CARF: variants seen among roughly 807,000 people sequenced by gnomAD.
CARF encodes the protein calcium responsive transcription factor.
CARF carries 57 observed loss-of-function variants against 82.0 expected under a neutral mutation model. The observed-to-expected ratio is 0.70, with a 90% CI of 0.56 to 0.87. The LOEUF (loss-of-function observed/expected upper bound fraction) is 0.87. CARF is among the 40% of genes least tolerant of loss of function. The pLI, the probability that CARF is intolerant of heterozygous loss-of-function variation, is 0.00. For synonymous variants in CARF, 268 were observed against 290.1 expected (o/e 0.92, Z 0.77); for missense variants, 771 against 855.8 (o/e 0.90, Z 1.24).
intron 8 of CARF, among the ~76,000 whole-genome samples, chr2:202,957,251 T>A (rs1409978988): frequency 1.3e-5 from 2 of 152,208 alleles, no homozygotes; most frequent in African/African-American, 4.8e-5. Flanking sequence ...TTTCTAAGGC[T>A]ACTTGTATTT....
intron 1 of CARF, among the ~76,000 whole-genome samples, chr2:202,917,596 C>A (rs1031973652): frequency 1.3e-5 from 2 of 152,100 alleles, no homozygotes; most frequent in Non-Finnish European, 2.9e-5. Flanking sequence ...TGCTAGAGAT[C>A]TTTGTTTTAG....
Position 202,961,153 on chromosome 2 carries a change from T to C in CARF, c.643-84T>C, listed in dbSNP as rs1044032329. ...TTCTCTTGTGAAAGGTGATGAGTCT[T>C]CCATTTTGGACAACCATCTCATTAC... On this transcript the variant is annotated intron_variant, in intron 8 of 16. Coordinates refer to ENST00000438828, the MANE Select transcript of CARF (RefSeq NM_024744.17). The C allele has an allele frequency of 3.6e-6, 4 of 1,104,806 alleles. No homozygotes were observed. In the Admixed American group the frequency reaches 9.5e-5, roughly 26 times the overall value. The allele number at this position is 1,104,806 out of a possible 1,614,324, so 68.4% of individuals were successfully genotyped here.
Position 202,942,772 on chromosome 2 carries a change from C to T in CARF, c.111C>T (p.Ser37=), listed in dbSNP as rs1184438291. 6.2e-7 allele frequency: 1 copy of T among 1,613,808 alleles called. No individual in the cohort carries two copies. Among genetic ancestry groups the T allele is most frequent in the South Asian group, 1.1e-5 (1 of 91,056 alleles). Residue 37 remains serine, a synonymous_variant, in exon 5 of 17, where the codon TCC becomes TCT. Coordinates refer to ENST00000438828, the MANE Select transcript of CARF (RefSeq NM_024744.17). ...HLICMDSRDS[S]FGQNDSPTVL... The stretch of plus-strand genomic sequence containing the variant: ...TCTGTATGGACTCCAGGGATTCTTC[C>T]TTTGGACAAAATGATTCTCCTACAG...
At chr2:202,941,702 A>G (rs2058237534) in intron 3 of CARF, among the ~76,000 whole-genome samples, 158 bp from the exon 4 acceptor site, 1 of 150,932 alleles carries the variant, frequency 6.6e-6, no homozygotes, top group South Asian at 2.1e-4. Context: ...TTGGCAAGTC[A>G]TTTTAAAAAG....
At chr2:202,929,448 C>T (rs1236121574) in intron 3 of CARF, among the ~76,000 whole-genome samples, 3 of 152,204 alleles carry the variant, frequency 2.0e-5, no homozygotes, top group African/African-American at 7.2e-5. Context: ...ACTGTCCCTT[C>T]CCCAGTGAAT....
At chr2:202,949,520 TTATTATTATTATTATTATTA>T (rs2058661660) in intron 5 of CARF, among the ~76,000 whole-genome samples, 1 of 89,948 alleles carries the variant, frequency 1.1e-5, no homozygotes, top group Non-Finnish European at 2.4e-5. Flanking sequence ...TATTTATTTA[TTATTATTATTATTATTATTA>T]TTATTATTAT....
At chr2:202,938,990 A>G (rs916166991) in intron 3 of CARF, among the ~76,000 whole-genome samples, 2 of 152,118 alleles carry the variant, frequency 1.3e-5, no homozygotes, top group Non-Finnish European at 2.9e-5. Context: ...AGTCTGTCTT[A>G]TCTCTCTTTC....
chr2:202,935,256 ATATT>A lies in CARF; in HGVS notation c.-43-6600_-43-6597del, dbSNP rs1244277707. 3.5e-5 allele frequency among the ~76,000 whole-genome samples: 5 copies of A among 144,610 alleles called. No homozygotes were observed. The East Asian group carries it at 7.8e-4, about 23-fold the overall frequency. 94.9% of individuals were successfully genotyped at this position (144,610 alleles called of 152,430 possible). On this transcript the variant is annotated intron_variant, in intron 3 of 16. Transcript: ENST00000438828. The stretch of plus-strand genomic sequence containing the variant: ...TATATATTATATATTTGTATATTAT[ATATT>A]TATATATTAGAATAGTAGAATATTC...
chr2:202,945,616 T>G, intron 5 of CARF, among the ~76,000 whole-genome samples: 1 of 152,190 alleles, frequency 6.6e-6, no homozygotes, highest in East Asian at 1.9e-4. Flanking sequence ...TCCAGCTCCA[T>G]CTGCGTTCCC....
intron 3 of CARF, chr2:202,924,949 C>G: frequency 3.3e-6 from 1 of 307,374 alleles, no homozygotes; most frequent in South Asian, 3.3e-5. Flanking sequence ...CAAGTTTGCC[C>G]CCTTCACTGA....
intron 3 of CARF, among the ~76,000 whole-genome samples, chr2:202,933,131 G>C (rs1297057451): frequency 1.3e-5 from 2 of 152,140 alleles, no homozygotes; most frequent in South Asian, 2.1e-4. Flanking sequence ...CTGGCCTGAG[G>C]GGGTGATAGG....
intron 12 of CARF, among the ~76,000 whole-genome samples, chr2:202,972,997 G>A (rs2059865745): frequency 6.6e-6 from 1 of 152,070 alleles, no homozygotes; most frequent in Non-Finnish European, 1.5e-5. Flanking sequence ...GGCTGGTCTT[G>A]AAGTCCTGGC....
At chr2:202,968,292 C>T (rs1462157909) in intron 10 of CARF, among the ~76,000 whole-genome samples, 2 of 152,124 alleles carry the variant, frequency 1.3e-5, no homozygotes, top group Non-Finnish European at 2.9e-5. Flanking sequence ...ATCCCAGCTA[C>T]TCGGGAGGCT....
At chr2:202,915,328 C>G (rs760295880) in intron 1 of CARF, among the ~76,000 whole-genome samples, 5 of 151,490 alleles carry the variant, frequency 3.3e-5, no homozygotes, top group Admixed American at 6.6e-5. Context: ...TGGAGTCTTG[C>G]TCTGTTGCCC....
intron 10 of CARF, among the ~76,000 whole-genome samples, chr2:202,969,158 T>C (rs1329081166): frequency 6.6e-6 from 1 of 152,028 alleles, no homozygotes; most frequent in Non-Finnish European, 1.5e-5. Context: ...CCAGGCATAG[T>C]GACACATGCC....
chr2:202,952,382 G>A (rs1441288142), intron 5 of CARF, among the ~76,000 whole-genome samples, 177 bp from the exon 6 acceptor site: 1 of 152,138 alleles, frequency 6.6e-6, no homozygotes, highest in Non-Finnish European at 1.5e-5. Flanking sequence ...CCACTTATAA[G>A]TTGTGAGACC....
chr2:202,987,001 T>C lies in CARF; in HGVS notation c.*3377T>C, dbSNP rs1436092258. 3 of 150,112 alleles carry C rather than the reference T, an allele frequency of 2.0e-5. No individual in the cohort carries two copies. In the East Asian group the frequency reaches 5.8e-4, roughly 29 times the overall value. 9.3% of individuals were successfully genotyped at this position (150,112 alleles called of 1,614,324 possible). On this transcript the variant is annotated 3_prime_UTR_variant, in exon 17 of 17. Coordinates refer to ENST00000438828, the MANE Select transcript of CARF (RefSeq NM_024744.17). ...ACTTGTTAGTTTTCTTTTTATATTT[T>C]TCTTAGAGATAGTGGCAATTTTGTT... is the stretch of plus-strand genomic sequence containing the variant.
intron 8 of CARF, among the ~76,000 whole-genome samples, chr2:202,960,549 C>T: frequency 6.6e-6 from 1 of 152,138 alleles, no homozygotes; most frequent in East Asian, 1.9e-4. Flanking sequence ...TGTGCCCGGC[C>T]TCAGAGAAGG....
intron 8 of CARF, among the ~76,000 whole-genome samples, 164 bp downstream of exon 8, chr2:202,955,922 T>G (rs985527024): frequency 6.6e-6 from 1 of 152,228 alleles, no homozygotes. Context: ...TTAGAGATTC[T>G]AAGCTCTGTT....
Sources: gnomAD v4.1 joint callset for allele counts (sites outside exome capture counted in the v4.1 genomes callset) on GRCh38, gnomAD v4.1.1 for gene constraint, MANE v1.5 for transcripts, NCBI Gene and HGNC (gene_info 2026-07-23, HGNC 2026-07-21) for gene names.